The following PHC3 variants were observed in gnomAD, a reference collection of about 807,000 sequenced individuals.
PHC3 encodes polyhomeotic-like protein 3.
PHC3 carries 13 observed loss-of-function variants against 107.4 expected under a neutral mutation model. The ratio of observed to expected loss-of-function variants is 0.12; its 90% CI spans 0.08 to 0.19. The LOEUF (loss-of-function observed/expected upper bound fraction) is 0.19. Ranked by LOEUF, PHC3 falls within the 10% of genes least tolerant of loss-of-function variation. The pLI is 1.00. For missense variants in PHC3, 992 were observed against 1,210.9 expected (o/e 0.82, Z 2.68); for synonymous variants, 456 against 427.4 (o/e 1.07, Z -0.83).
At chr3:170,111,796 G>C (rs150847993) in intron 11 of PHC3, among the ~76,000 whole-genome samples, 1,860 of 152,190 alleles carry the variant, frequency 0.012, 40 homozygotes, top group African/African-American at 0.042. Context: ...TTTTAAGTTA[G>C]AAAATCTGTG....
chr3:170,100,839 C>T (rs543406277), intron 14 of PHC3, among the ~76,000 whole-genome samples: 59 of 152,156 alleles, frequency 3.9e-4, no homozygotes, highest in African/African-American at 1.3e-3. Context: ...ATTATTTGGG[C>T]AACTACTTTT....
chr3:170,138,869 T>C (rs1723587220), intron 6 of PHC3, among the ~76,000 whole-genome samples: 1 of 151,974 alleles, frequency 6.6e-6, no homozygotes. Context: ...TCCCCAAATA[T>C]ACCTTCCACT....
intron 7 of PHC3, 151 bp downstream of exon 7, chr3:170,136,268 C>T: frequency 2.2e-6 from 2 of 896,696 alleles, no homozygotes; most frequent in Admixed American, 3.4e-5. Context: ...TGTCTCTTTT[C>T]AAGCTACACA....
rs753766300 is a variant in PHC3 at position 170,102,592 on chromosome 3, C to T, written c.2720G>A (p.Arg907Gln). The T allele has an allele frequency of 8.1e-6, 13 of 1,613,908 alleles. No individual in the cohort carries two copies. The highest frequency in any genetic ancestry group is 4.5e-5 in the East Asian group (2 of 44,876). Residue 907 changes from arginine (R) to glutamine (Q), a missense_variant, in exon 14 of 15, where the codon CGG becomes CAG. By Grantham distance (43) the Arg-to-Gln change is conservative. Around this residue, in one of 6 missense-constraint regions of PHC3, gnomAD observed 228 missense variants for 288.8 expected, o/e 0.79. Transcript: ENST00000495893. Reference protein sequence around the residue: ...QSERERERELRDVRIRKMPEN... With the variant: ...QSERERERELQDVRIRKMPEN... The stretch of plus-strand genomic sequence containing the variant: ...AGGCATTTTCCGAATTCTCACATCC[C>T]GAAGCTCACGTTCTCTTTCCCGCTC...
At chr3:170,167,428 T>G (rs1169726940) in intron 4 of PHC3, among the ~76,000 whole-genome samples, 1 of 152,192 alleles carries the variant, frequency 6.6e-6, no homozygotes, top group Non-Finnish European at 1.5e-5. Context: ...TTACATACAT[T>G]TATTATTGAT....
intron 5 of PHC3, among the ~76,000 whole-genome samples, chr3:170,146,535 CT>C (rs373420736): frequency 0.35 from 43,509 of 122,596 alleles, 5,177 homozygotes; most frequent in East Asian, 0.52. Context: ...TTTTCTTTTT[CT>C]TTTTTTTTTT....
chr3:170,116,431 G>A lies in PHC3; in HGVS notation c.2193+795C>T, dbSNP rs573789349. Among the ~76,000 whole-genome samples the A allele has an allele frequency of 2.0e-5, 3 of 152,188 alleles. No individual in the cohort carries two copies. The East Asian group carries it at 5.8e-4, about 29-fold the overall frequency. On this transcript the variant is annotated intron_variant, in intron 10 of 14. Coordinates refer to ENST00000495893, the MANE Select transcript of PHC3 (RefSeq NM_024947.4). ...AAAATACAAAAATTGGTCAGGCGTG[G>A]TGGTGCATGCCTGTAGTCCCAGCTA...
rs1209034889 is a variant in PHC3, at chr3:170,117,290, T to C, written c.2129A>G (p.Lys710Arg). The C allele has an allele frequency of 1.9e-6, 3 of 1,614,022 alleles. No individual in the cohort carries two copies. The South Asian group carries it at 3.3e-5, about 18-fold the overall frequency. The stretch of plus-strand genomic sequence containing the variant: ...AATAACATGGGTTAGGATCTGTGGT[T>C]TAACAATAGCCTGTGGAGGTTTGTT... ...IENKPPQAIV[K>R]PQILTHVIEG... The change falls in exon 10 of 15, where the codon AAA becomes AGA. Residue 710 changes from lysine to arginine, a missense_variant. Coordinates refer to ENST00000495893, the MANE Select transcript of PHC3 (RefSeq NM_024947.4).
chr3:170,178,257 C>T (rs1370288282), intron 2 of PHC3, among the ~76,000 whole-genome samples: 1 of 151,604 alleles, frequency 6.6e-6, no homozygotes, highest in East Asian at 1.9e-4. Context: ...CATTCTCCTG[C>T]CTCAGCCTCC....
intron 7 of PHC3, among the ~76,000 whole-genome samples, chr3:170,134,632 T>C (rs1432619764): frequency 5.3e-5 from 8 of 151,814 alleles, no homozygotes; most frequent in Admixed American, 1.3e-4. Flanking sequence ...GAAAAAAAAA[T>C]GAACTATTAA....
intron 4 of PHC3, chr3:170,169,686 G>C (rs958286882): frequency 6.6e-6 from 1 of 152,124 alleles, no homozygotes; most frequent in East Asian, 1.9e-4. Context: ...TCTAACTTCT[G>C]TGAATGTCAC....
At chr3:170,157,507 A>AC (rs1408638840) in intron 4 of PHC3, among the ~76,000 whole-genome samples, 2 of 152,154 alleles carry the variant, frequency 1.3e-5, no homozygotes, top group Non-Finnish European at 2.9e-5. Context: ...TTTATCTCAC[A>AC]CTAGTATTAG....
At chr3:170,181,629 C>A in intron 1 of PHC3, 73 bp downstream of exon 1, 2 of 1,607,784 alleles carry the variant, frequency 1.2e-6, no homozygotes, top group Non-Finnish European at 8.5e-7. Context: ...CCTGAGCTTT[C>A]CCCTGGGGGA....
In PHC3 at chr3:170,125,924, A is replaced by G. The variant is rs117474080; in HGVS notation, c.1788+2760T>C. ...CACAATTACTGTTTAGCTCATAACT[A>G]TAACTATTCTAAAAATAACAAAGAC... is the stretch of plus-strand genomic sequence containing the variant. On this transcript the variant is annotated intron_variant, in intron 8 of 14. Transcript: ENST00000495893. 1.3e-3 allele frequency: 1,123 copies of G among 897,996 alleles called. 42 individuals carry two copies. The East Asian group carries it at 0.099, about 79-fold the overall frequency. The allele number at this position is 897,996 out of a possible 1,614,324, so 55.6% of individuals were successfully genotyped here.
intron 4 of PHC3, 113 bp from the exon 5 acceptor site, chr3:170,149,357 C>A: frequency 1.0e-6 from 1 of 987,140 alleles, no homozygotes; most frequent in Non-Finnish European, 1.4e-6. Context: ...GCTAAGGAAC[C>A]CAAAGGAGAA....
chr3:170,161,386 G>T (rs1283692906), intron 4 of PHC3, among the ~76,000 whole-genome samples: 1 of 152,212 alleles, frequency 6.6e-6, no homozygotes, highest in African/African-American at 2.4e-5. Context: ...TGGCACCAGG[G>T]ATCGGTTTCA....
chr3:170,117,030 G>A, intron 10 of PHC3, 196 bp downstream of exon 10: 2 of 616,904 alleles, frequency 3.2e-6, no homozygotes, highest in Non-Finnish European at 5.2e-6. Flanking sequence ...CTTAGTTTAT[G>A]CATCTAAACT....
chr3:170,131,334 T>A (rs1722234072), intron 7 of PHC3, among the ~76,000 whole-genome samples: 1 of 152,192 alleles, frequency 6.6e-6, no homozygotes, highest in South Asian at 2.1e-4. Flanking sequence ...GTGCCCTTCA[T>A]CCAAGGGGCT....
chr3:170,162,862 C>G (rs1221145411), intron 4 of PHC3, among the ~76,000 whole-genome samples: 1 of 152,202 alleles, frequency 6.6e-6, no homozygotes, highest in Non-Finnish European at 1.5e-5. Flanking sequence ...GCCACACTGT[C>G]CTCCTTTCTG....
Sources: gnomAD v4.1 joint callset for allele counts (sites outside exome capture counted in the v4.1 genomes callset) on GRCh38, gnomAD v4.1.1 for gene constraint, gnomAD v4.1.1 regional missense constraint, MANE v1.5 for transcripts, NCBI Gene and HGNC (gene_info 2026-07-23, HGNC 2026-07-21) for gene names.